Variants in CDK8 observed in about 807,000 individuals in gnomAD.
The protein encoded by CDK8 is cyclin dependent kinase 8, also known as cyclin-dependent kinase 8.
A neutral mutation model predicts 71.5 loss-of-function variants in CDK8; 29 were observed. That is an observed-to-expected ratio of 0.41 (90% CI 0.30 to 0.55). CDK8 has a LOEUF of 0.55. Ranked by LOEUF, CDK8 falls within the 20% of genes least tolerant of loss-of-function variation. CDK8 has a pLI of 0.37. For missense variants in CDK8, 288 were observed against 572.6 expected (o/e 0.50, Z 5.07); for synonymous variants, 161 against 192.1 (o/e 0.84, Z 1.34).
intron 3 of CDK8, among the ~76,000 whole-genome samples, chr13:26,349,403 T>C (rs543086809): frequency 6.6e-6 from 1 of 152,336 alleles, no homozygotes; most frequent in African/African-American, 2.4e-5. Context: ...AAGAAAACAA[T>C]AGAATCTAAA....
At chr13:26,329,772 G>A (rs988005769) in intron 1 of CDK8, among the ~76,000 whole-genome samples, 3 of 152,196 alleles carry the variant, frequency 2.0e-5, no homozygotes, top group Non-Finnish European at 2.9e-5. Context: ...CCAAAGTGCT[G>A]GGATTACAAG....
chr13:26,327,880 C>T (rs1480905987), intron 1 of CDK8, among the ~76,000 whole-genome samples: 1 of 150,988 alleles, frequency 6.6e-6, no homozygotes, highest in African/African-American at 2.4e-5. Flanking sequence ...TTGTTAGGAC[C>T]TTTAATTGTT....
chr13:26,337,369 T>C (rs1248117044), intron 1 of CDK8, among the ~76,000 whole-genome samples, 198 bp from the exon 2 acceptor site: 1 of 152,176 alleles, frequency 6.6e-6, no homozygotes, highest in East Asian at 1.9e-4. Context: ...TTTTATTCCT[T>C]TGAAGCTAAC....
At chr13:26,378,301 A>T (rs1288879218) in intron 4 of CDK8, among the ~76,000 whole-genome samples, 1 of 152,208 alleles carries the variant, frequency 6.6e-6, no homozygotes, top group Non-Finnish European at 1.5e-5. Flanking sequence ...TCCTTGGTGT[A>T]TGCCAAAATC....
chr13:26,367,342 G>A (rs1043581163), intron 4 of CDK8, among the ~76,000 whole-genome samples: 1 of 151,962 alleles, frequency 6.6e-6, no homozygotes, highest in African/African-American at 2.4e-5. Flanking sequence ...GGTTGCACAT[G>A]GTAGGAAGCG....
intron 4 of CDK8, 111 bp downstream of exon 4, chr13:26,353,991 T>A: frequency 1.1e-6 from 1 of 881,056 alleles, no homozygotes; most frequent in Non-Finnish European, 1.8e-6. Context: ...CTTATAGAAG[T>A]AGTGAGAATG....
At chr13:26,357,958 G>GT (rs999174640) in intron 4 of CDK8, among the ~76,000 whole-genome samples, 4 of 152,192 alleles carry the variant, frequency 2.6e-5, no homozygotes, top group Non-Finnish European at 4.4e-5. Flanking sequence ...TCAGAATAAT[G>GT]TTTGACCAAA....
chr13:26,375,011 CTATA>C (rs1486589264), intron 4 of CDK8, among the ~76,000 whole-genome samples: 2 of 151,760 alleles, frequency 1.3e-5, no homozygotes, highest in Non-Finnish European at 2.9e-5. Context: ...AGGAAATGAG[CTATA>C]TAAATTATGG....
Position 26,254,852 on chromosome 13 carries a change from CG to C in CDK8, c.128+84del. 6.5e-7 allele frequency: 1 copy of C among 1,546,500 alleles called. No individual in the cohort carries two copies. Among genetic ancestry groups the C allele is most frequent in the Non-Finnish European group, 8.8e-7 (1 of 1,142,500 alleles). ...CAGGTAGCCCGGAGGGAGAGCGGGC[CG>C]CCGGGGTGCCGGGCTCTGACTTCCT... On this transcript the variant is annotated intron_variant, in intron 1 of 12. Coordinates refer to ENST00000381527, the MANE Select transcript of CDK8 (RefSeq NM_001260.3). The surrounding 1 kb of genome is among the most constrained non-coding windows in gnomAD (Gnocchi z 6.7).
chr13:26,296,337 CTT>C (rs1208735224), intron 1 of CDK8, among the ~76,000 whole-genome samples: 1 of 152,146 alleles, frequency 6.6e-6, no homozygotes. Context: ...ACAAAGGGCT[CTT>C]TGGTTATCTT....
At chr13:26,369,742 G>A (rs1168810856) in intron 4 of CDK8, among the ~76,000 whole-genome samples, 8 of 122,428 alleles carry the variant, frequency 6.5e-5, no homozygotes, top group Non-Finnish European at 1.3e-4. Context: ...ATTTTTAGTA[G>A]ATAGGGTGTT....
chr13:26,266,572 A>G (rs61945067), intron 1 of CDK8, among the ~76,000 whole-genome samples: 2,087 of 152,312 alleles, frequency 0.014, 19 homozygotes, highest in Non-Finnish European at 0.019. Flanking sequence ...GAAGTGTCAC[A>G]TGTGGCTCAG....
At chr13:26,393,227 T>C (rs1875833251) in intron 6 of CDK8, 140 bp from the exon 7 acceptor site, 2 of 578,608 alleles carry the variant, frequency 3.5e-6, no homozygotes, top group Non-Finnish European at 6.0e-6. Context: ...TATGAGTTAT[T>C]AGGGAAAGAA....
chr13:26,291,588 C>T (rs568994231), intron 1 of CDK8, among the ~76,000 whole-genome samples: 1 of 152,274 alleles, frequency 6.6e-6, no homozygotes, highest in South Asian at 2.1e-4. Flanking sequence ...TTCTCCCTAC[C>T]TCATGATTTT....
chr13:26,349,304 G>A, intron 3 of CDK8, 122 bp downstream of exon 3: 1 of 642,420 alleles, frequency 1.6e-6, no homozygotes, highest in East Asian at 2.7e-5. Context: ...ACCTCATAGA[G>A]TGTGGTTGGT....
intron 1 of CDK8, among the ~76,000 whole-genome samples, chr13:26,305,099 T>C (rs752897650): frequency 5.9e-5 from 9 of 152,246 alleles, no homozygotes; most frequent in Non-Finnish European, 1.3e-4. Flanking sequence ...GCTTCCTTTT[T>C]GGAATTATTT....
At chr13:26,282,755 T>C (rs1247858857) in intron 1 of CDK8, among the ~76,000 whole-genome samples, 1 of 152,178 alleles carries the variant, frequency 6.6e-6, no homozygotes, top group Admixed American at 6.5e-5. Flanking sequence ...ATGCTCCTCT[T>C]AAAATACATA....
Position 26,358,047 on chromosome 13 carries a change from A to T in CDK8, c.456+4167A>T, listed in dbSNP as rs146105903. 3.8e-3 allele frequency among the ~76,000 whole-genome samples: 572 copies of T among 152,008 alleles called. 3 individuals carry two copies. The highest frequency in any genetic ancestry group is 5.6e-3 in the Non-Finnish European group (379 of 67,946). On this transcript the variant is annotated intron_variant, in intron 4 of 12. Transcript: ENST00000381527. Reference sequence around the variant, plus strand: ...CTGGGCATGGTGGCTCACGCCTGTAATCCCAGCACTTTGGGAGGCGGGCAG... The same window carrying T: ...CTGGGCATGGTGGCTCACGCCTGTATTCCCAGCACTTTGGGAGGCGGGCAG...
chr13:26,309,141 ATTT>A (rs71080250), intron 1 of CDK8, among the ~76,000 whole-genome samples: 3 of 128,886 alleles, frequency 2.3e-5, no homozygotes, highest in Non-Finnish European at 5.0e-5. Flanking sequence ...ATGTATATAG[ATTT>A]TTTTTTTTTT....
Sources: gnomAD v4.1 joint callset for allele counts (sites outside exome capture counted in the v4.1 genomes callset) on GRCh38, gnomAD v4.1.1 for gene constraint, Gnocchi (gnomAD v3.1) non-coding constraint, MANE v1.5 for transcripts, NCBI Gene and HGNC (gene_info 2026-07-23, HGNC 2026-07-21) for gene names.